GCH1: variants seen among roughly 807,000 people sequenced by gnomAD.
GCH1 encodes the protein GTP cyclohydrolase I.
Under a neutral mutation model 25.9 loss-of-function variants are expected in GCH1, and 5 were observed. The ratio of observed to expected loss-of-function variants is 0.19; its 90% CI spans 0.10 to 0.41. The LOEUF (loss-of-function observed/expected upper bound fraction) is 0.41. GCH1 is among the 10% of genes least tolerant of loss of function. GCH1 has a pLI of 1.00. For synonymous variants in GCH1, 159 were observed against 129.6 expected, an observed-to-expected ratio of 1.23 and a Z score of -1.54; for missense variants, 261 against 336.5, an observed-to-expected ratio of 0.78 and a Z score of 1.75.
chr14:54,884,796 C>T (rs111824558), intron 1 of GCH1: 1 of 145,386 alleles, frequency 6.9e-6, no homozygotes, highest in Non-Finnish European at 1.5e-5. Context: ...ACAACAACAA[C>T]AACAAAAAAA....
In GCH1 at chr14:54,902,815, C is replaced by T; in HGVS notation, c.-152G>A. Reference sequence around the variant, plus strand: ...CTTAGATCACACTCCGAGCCGGGAGCGGCCACAGGCTGGAAAGCCCGGCCG... The same window carrying T: ...CTTAGATCACACTCCGAGCCGGGAGTGGCCACAGGCTGGAAAGCCCGGCCG... On this transcript the variant is annotated 5_prime_UTR_variant, in exon 1 of 6. Transcript: ENST00000491895. 9.5e-7 allele frequency: 1 copy of T among 1,050,788 alleles called. No individual in the cohort carries two copies. The highest frequency in any genetic ancestry group is 1.2e-6 in the Non-Finnish European group (1 of 814,420). The allele number at this position is 1,050,788 out of a possible 1,614,324, so 65.1% of individuals were successfully genotyped here. A position where few individuals can be genotyped will look rare whatever the true frequency, so the allele number is the denominator to read the frequency against.
At chr14:54,889,043 T>A (rs1224662310) in intron 1 of GCH1, among the ~76,000 whole-genome samples, 1 of 152,122 alleles carries the variant, frequency 6.6e-6, no homozygotes, top group Non-Finnish European at 1.5e-5. Flanking sequence ...CAGCATGGGA[T>A]AAGTATGGCC....
chr14:54,866,351 T>C (rs534111054), intron 1 of GCH1, among the ~76,000 whole-genome samples: 3 of 151,980 alleles, frequency 2.0e-5, no homozygotes, highest in Admixed American at 2.0e-4. Flanking sequence ...CCAAACAACA[T>C]TGTAGATAAA....
chr14:54,883,464 G>A (rs975826145), intron 1 of GCH1, among the ~76,000 whole-genome samples: 39 of 151,314 alleles, frequency 2.6e-4, no homozygotes, highest in Admixed American at 4.6e-4. Context: ...TGGATCACGA[G>A]GTCAGGAAAT....
intron 1 of GCH1, among the ~76,000 whole-genome samples, chr14:54,895,204 T>C (rs1204421101): frequency 1.3e-5 from 2 of 152,234 alleles, no homozygotes; most frequent in Admixed American, 6.5e-5. Context: ...AATCTTCCAG[T>C]GAAAATGGCT....
chr14:54,881,161 C>T (rs1313184120), intron 1 of GCH1, among the ~76,000 whole-genome samples: 1 of 151,826 alleles, frequency 6.6e-6, no homozygotes, highest in African/African-American at 2.4e-5. Flanking sequence ...TCTTCATACA[C>T]ATGCTGGCAT....
intron 1 of GCH1, among the ~76,000 whole-genome samples, chr14:54,884,178 G>A (rs546148854): frequency 4.8e-4 from 73 of 152,270 alleles, no homozygotes; most frequent in Non-Finnish European, 2.1e-4. Flanking sequence ...AATATTTGGA[G>A]AATGACTAGA....
chr14:54,889,160 C>T (rs1034956184), intron 1 of GCH1, among the ~76,000 whole-genome samples: 1 of 152,174 alleles, frequency 6.6e-6, no homozygotes, highest in Non-Finnish European at 1.5e-5. Flanking sequence ...AGAGGCATAC[C>T]TCCAGGGCTG....
intron 1 of GCH1, among the ~76,000 whole-genome samples, chr14:54,883,371 CAAAAAAAAAAAAA>C (rs59191993): frequency 2.5e-4 from 14 of 55,224 alleles, no homozygotes; most frequent in Admixed American, 2.0e-3. Flanking sequence ...GACTCCGACT[CAAAAAAAAAAAAA>C]AAAAAAAAAA....
intron 1 of GCH1, among the ~76,000 whole-genome samples, chr14:54,867,683 TATAAAATGAGC>T (rs2040008838): frequency 6.6e-6 from 1 of 150,668 alleles, no homozygotes; most frequent in African/African-American, 2.4e-5. Context: ...TCTTCTCGGC[TATAAAATGAGC>T]ATAAAGTGCC....
chr14:54,893,777 C>A (rs889906603), intron 1 of GCH1, among the ~76,000 whole-genome samples: 1 of 152,158 alleles, frequency 6.6e-6, no homozygotes, highest in Non-Finnish European at 1.5e-5. Context: ...ACAAAGTAAG[C>A]CATCAGCAGT....
In GCH1 at chr14:54,887,535, C is replaced by T. The variant is rs560742839; in HGVS notation, c.343+14786G>A. Among the ~76,000 whole-genome samples the T allele has an allele frequency of 2.6e-5, 4 of 152,220 alleles. No homozygotes were observed. In the South Asian group the frequency reaches 6.2e-4, roughly 24 times the overall value. On this transcript the variant is annotated intron_variant, in intron 1 of 5. Coordinates refer to ENST00000491895, the MANE Select transcript of GCH1 (RefSeq NM_000161.3). ...CGGTAGGCGCTATTCCAGATTAAAA[C>T]GTAATAATCAAATGCAAATGTATGG...
intron 1 of GCH1, among the ~76,000 whole-genome samples, chr14:54,872,652 G>A (rs2040098309): frequency 6.6e-6 from 1 of 152,110 alleles, no homozygotes; most frequent in Non-Finnish European, 1.5e-5. Flanking sequence ...GATGGAGGAA[G>A]ATCTACCAAG....
intron 1 of GCH1, among the ~76,000 whole-genome samples, chr14:54,872,443 C>T (rs368803530): frequency 7.9e-5 from 12 of 152,156 alleles, no homozygotes; most frequent in South Asian, 6.2e-4. Flanking sequence ...CATCAACTAA[C>T]GAGCAAAATA....
intron 1 of GCH1, among the ~76,000 whole-genome samples, chr14:54,897,148 T>A (rs2140120479): frequency 6.6e-6 from 1 of 150,716 alleles, no homozygotes; most frequent in African/African-American, 2.4e-5. Context: ...TAGCTGGGAC[T>A]ACAGGCACGC....
chr14:54,865,348 G>A lies in GCH1; in HGVS notation c.432C>T (p.His144=), dbSNP rs2039976135. 1 of 1,533,882 alleles carries A rather than the reference G, an allele frequency of 6.5e-7. No homozygotes were observed. The highest frequency in any genetic ancestry group is 1.4e-5 in the African/African-American group (1 of 73,494). ...TTACCTTTCCAACAAATGGAACCAA[G>A]TGATGCTCACACATGGAAAACATGT... ...DIDMFSMCEH[H]LVPFVGKVHI... The change falls in exon 2 of 6, where the codon CAC becomes CAT. Residue 144 remains histidine, a synonymous_variant. Coordinates refer to ENST00000491895, the MANE Select transcript of GCH1 (RefSeq NM_000161.3).
At chr14:54,901,230 C>A (rs964245846) in intron 1 of GCH1, among the ~76,000 whole-genome samples, 1 of 152,174 alleles carries the variant, frequency 6.6e-6, no homozygotes, top group Non-Finnish European at 1.5e-5. Flanking sequence ...GCCTTTCCAG[C>A]GCACTGTTTT....
intron 1 of GCH1, among the ~76,000 whole-genome samples, chr14:54,871,435 G>C (rs1452533068): frequency 6.6e-6 from 1 of 152,204 alleles, no homozygotes; most frequent in Admixed American, 6.5e-5. Context: ...CTAAACATCA[G>C]AGTGCATCTC....
At chr14:54,868,750 T>C (rs12323905) in intron 1 of GCH1, among the ~76,000 whole-genome samples, 68,784 of 151,542 alleles carry the variant, frequency 0.45, 17,260 homozygotes, top group African/African-American at 0.68. Flanking sequence ...TACAGGCGTC[T>C]GCCACCACCC....
Sources: allele counts gnomAD v4.1 joint callset (sites outside exome capture counted in the v4.1 genomes callset), GRCh38; gene constraint gnomAD v4.1.1; transcripts MANE v1.5; gene names NCBI Gene and HGNC (gene_info 2026-07-23, HGNC 2026-07-21).